The following CELSR2 variants were observed in gnomAD, a reference collection of about 807,000 sequenced individuals.
The protein encoded by CELSR2 is EGF-like protein 2.
Under a neutral mutation model 251.6 loss-of-function variants are expected in CELSR2, and 81 were observed. That is an observed-to-expected ratio of 0.32 (90% CI 0.27 to 0.39). CELSR2 has a LOEUF of 0.39. Ranked by LOEUF, CELSR2 falls within the 10% of genes least tolerant of loss-of-function variation. The pLI is 1.00. For synonymous variants in CELSR2, 1,721 were observed against 1,670.5 expected, an observed-to-expected ratio of 1.03 and a Z score of -0.74; for missense variants, 3,365 against 3,947.7, an observed-to-expected ratio of 0.85 and a Z score of 3.96.
rs774171570 is a variant in CELSR2 at position 109,269,189 on chromosome 1, C to T, written c.6711C>T (p.His2237=). 4.2e-5 allele frequency: 68 copies of T among 1,612,466 alleles called. No homozygotes were observed. In the South Asian group the frequency reaches 6.9e-4, roughly 16 times the overall value. The change falls in exon 20 of 34, where the codon CAC becomes CAT. Residue 2237 remains histidine, a synonymous_variant. Transcript: ENST00000271332. The surrounding 1 kb of genome is among the most constrained non-coding windows in gnomAD (Gnocchi z 6.4). ...AGCTGGCACGGCGACAGCGACGGCA[C>T]CCGGAGCTGAGCCAGGGTGAGGCTG... The part of the protein sequence containing the change: ...PEELARRQRR[H]PELSQGEAVA...
At chr1:109,267,507 G>A in intron 15 of CELSR2, 41 bp from the exon 16 acceptor site, 1 of 1,588,424 alleles carries the variant, frequency 6.3e-7, no homozygotes, top group East Asian at 2.2e-5. Flanking sequence ...GGCTTCCTGT[G>A]TGTCTCCCTG....
At position 109,249,545 on chromosome 1, in the gene CELSR2, C is replaced by G. The variant is rs539393078; in HGVS notation, c.-535C>G. 1.3e-5 allele frequency among the ~76,000 whole-genome samples: 2 copies of G among 150,866 alleles called. No individual in the cohort carries two copies. The highest frequency in any genetic ancestry group is 4.0e-4 in the East Asian group (2 of 5,058). ...GAGCCGCCGCCGCGACTCTGCAGAG[C>G]TCGCCCGCCCGCCGGGGAGGCGAGG... On this transcript the variant is annotated 5_prime_UTR_variant, in exon 1 of 34. Transcript: ENST00000271332.
In CELSR2 at chr1:109,273,898, G is replaced by A. The variant is rs1049767980; in HGVS notation, c.8745-124G>A. 3.8e-5 allele frequency: 51 copies of A among 1,341,154 alleles called. No individual in the cohort carries two copies. The African/African-American group carries it at 5.2e-4, about 14-fold the overall frequency. The allele number at this position is 1,341,154 out of a possible 1,614,324, so 83.1% of individuals were successfully genotyped here. ...CGCAGCCCAGCCTAGGGCAGAGTGC[G>A]GGAGGATGGGGAGCTGGGGGTGCTT... On this transcript the variant is annotated intron_variant, in intron 33 of 33. Coordinates refer to ENST00000271332, the MANE Select transcript of CELSR2 (RefSeq NM_001408.3).
chr1:109,266,176 G>A lies in CELSR2; in HGVS notation c.5983G>A (p.Ala1995Thr). 1 of 1,614,128 alleles carries A rather than the reference G, an allele frequency of 6.2e-7. No individual in the cohort carries two copies. The highest frequency in any genetic ancestry group is 1.1e-5 in the South Asian group (1 of 91,092). Residue 1995 changes from alanine (A) to threonine (T), a missense_variant, in exon 15 of 34, where the codon GCT (alanine) becomes ACT (threonine). By Grantham distance (58) the Ala-to-Thr change is moderately conservative. Around this residue, in one of 5 missense-constraint regions of CELSR2, gnomAD observed 2,093 missense variants for 2,382.8 expected, o/e 0.88. Transcript: ENST00000271332. ...WWPRTRFGLP[A>T]AAPCPKGSFG... ...GCCCCGTACCCGCTTCGGGCTGCCT[G>A]CTGCTGCTCCCTGTCCCAAAGGCTC...
chr1:109,265,286 A>G lies in CELSR2; in HGVS notation c.5702A>G (p.Lys1901Arg), dbSNP rs780550177. 6 of 1,610,090 alleles carry G rather than the reference A, an allele frequency of 3.7e-6. No individual in the cohort carries two copies. The highest frequency in any genetic ancestry group is 5.1e-6 in the Non-Finnish European group (6 of 1,177,866). The part of the protein sequence containing the change: ...VSKGFDPDCN[K>R]TSGECHCKEN... The stretch of plus-strand genomic sequence containing the variant: ...AAAGGCTTTGACCCAGACTGCAACA[A>G]GACAAGCGGCGAGTGCCACTGCAAG... Residue 1901 changes from lysine (K) to arginine (R), a missense_variant, in exon 13 of 34, where the codon AAG (lysine) becomes AGG (arginine). Around this residue, in one of 5 missense-constraint regions of CELSR2, gnomAD observed 2,093 missense variants for 2,382.8 expected, o/e 0.88. Transcript: ENST00000271332.
Position 109,269,149 on chromosome 1 carries a change from C to G in CELSR2, c.6671C>G (p.Ala2224Gly), listed in dbSNP as rs1656291652. 3 of 1,610,494 alleles carry G rather than the reference C, an allele frequency of 1.9e-6. No individual in the cohort carries two copies. The highest frequency in any genetic ancestry group is 2.5e-6 in the Non-Finnish European group (3 of 1,178,772). The stretch of plus-strand genomic sequence containing the variant: ...GTCAGGCCCGCAGGCCCCGGAGAGG[C>G]CCAGGAGCCAGAGGAGCTGGCACGG... ...PVVRPAGPGE[A>G]QEPEELARRQ... The change falls in exon 20 of 34, where the codon GCC (alanine) becomes GGC (glycine). Residue 2224 changes from alanine to glycine, a missense_variant. Ala to Gly is a moderately conservative substitution (Grantham distance 60). Coordinates refer to ENST00000271332, the MANE Select transcript of CELSR2 (RefSeq NM_001408.3). The surrounding 1 kb of genome is among the most constrained non-coding windows in gnomAD (Gnocchi z 6.4).
chr1:109,250,370 C>A lies in CELSR2; in HGVS notation c.291C>A (p.Ser97=). Residue 97 remains serine, a synonymous_variant, in exon 1 of 34, where the codon TCC becomes TCA. Coordinates refer to ENST00000271332, the MANE Select transcript of CELSR2 (RefSeq NM_001408.3). The surrounding 1 kb of genome is among the most constrained non-coding windows in gnomAD (Gnocchi z 4.4). The stretch of plus-strand genomic sequence containing the variant: ...GCCTGAGGGTTTGGTGTCCAGAATC[C>A]GAGGCCCATATTCCCCTACCACCAG... The part of the protein sequence containing the change: ...HDGLRVWCPE[S]EAHIPLPPAP... The A allele has an allele frequency of 6.2e-7, 1 of 1,613,516 alleles. No homozygotes were observed. The highest frequency in any genetic ancestry group is 8.5e-7 in the Non-Finnish European group (1 of 1,180,020).
chr1:109,251,208 G>T lies in CELSR2; in HGVS notation c.1129G>T (p.Gly377Cys). 6.2e-7 allele frequency: 1 copy of T among 1,613,902 alleles called. No homozygotes were observed. ...VEASDQGRDPGPRSTTAAVFL... is the reference protein window; with the variant it reads ...VEASDQGRDPCPRSTTAAVFL... ...GGCAAGTGACCAGGGTCGGGACCCG[G>T]GTCCTCGGAGTACCACAGCCGCTGT... Residue 377 changes from glycine to cysteine, a missense_variant, in exon 1 of 34, where the codon GGT becomes TGT. Coordinates refer to ENST00000271332, the MANE Select transcript of CELSR2 (RefSeq NM_001408.3). This position sits in a 1 kb window ranked among gnomAD's most constrained non-coding sequence, Gnocchi z 4.9.
Position 109,252,638 on chromosome 1 carries a change from C to T in CELSR2, c.2559C>T (p.Thr853=), listed in dbSNP as rs1655727648. Residue 853 remains threonine (T), a synonymous_variant, in exon 1 of 34, where the codon ACC becomes ACT. Coordinates refer to ENST00000271332, the MANE Select transcript of CELSR2 (RefSeq NM_001408.3). The surrounding 1 kb of genome is among the most constrained non-coding windows in gnomAD (Gnocchi z 4.8). ...GACTTAATGGCAGGGTCTTCTACAC[C>T]TTCCAAGGAGGCGACGATGGAGACG... ...DSGLNGRVFY[T]FQGGDDGDGD... is the part of the protein sequence containing the mutation. 6.2e-7 allele frequency: 1 copy of T among 1,613,760 alleles called. No homozygotes were observed. Among genetic ancestry groups the T allele is most frequent in the South Asian group, 1.1e-5 (1 of 91,092 alleles).
Position 109,251,584 on chromosome 1 carries a change from C to T in CELSR2, c.1505C>T (p.Ala502Val), listed in dbSNP as rs1378909536. 6.2e-7 allele frequency: 1 copy of T among 1,613,862 alleles called. No individual in the cohort carries two copies. The highest frequency in any genetic ancestry group is 8.5e-7 in the Non-Finnish European group (1 of 1,180,016). ...TVQVLDINDN[A>V]PIFVSTPFQA... ...CAGGTCCTGGATATCAACGACAATG[C>T]CCCCATCTTCGTCAGCACCCCTTTC... is the stretch of plus-strand genomic sequence containing the variant. The change falls in exon 1 of 34, where the codon GCC becomes GTC. Residue 502 changes from alanine (A) to valine (V), a missense_variant. Physicochemically the swap from Ala to Val is moderately conservative, Grantham distance 64 (BLOSUM62 0). Transcript: ENST00000271332. This position sits in a 1 kb window ranked among gnomAD's most constrained non-coding sequence, Gnocchi z 4.9.
rs545977880 is a variant in CELSR2, at chr1:109,270,534, G to A, written c.7417G>A (p.Asp2473Asn). The change falls in exon 24 of 34, where the codon GAT (aspartate) becomes AAT (asparagine). Residue 2473 changes from aspartate to asparagine, a missense_variant. Transcript: ENST00000271332. ...GTACCGGGCACTCACTGAGGTGCGC[G>A]ATGTCAACACCGGCCCCATGCGCTT... is the stretch of plus-strand genomic sequence containing the variant. ...HLYRALTEVR[D>N]VNTGPMRFYY... 31 of 1,614,174 alleles carry A rather than the reference G, an allele frequency of 1.9e-5. 1 individual carries two copies. The African/African-American group carries it at 2.1e-4, about 11-fold the overall frequency.
At chr1:109,273,059 G>T in intron 31 of CELSR2, 32 bp downstream of exon 31, 1 of 1,597,960 alleles carries the variant, frequency 6.3e-7, no homozygotes, top group Non-Finnish European at 8.5e-7. Flanking sequence ...GGCCTTTGGG[G>T]CCAGTGGGAG....
At position 109,265,906 on chromosome 1, in the gene CELSR2, A is replaced by G. The variant is rs1310426537; in HGVS notation, c.5899A>G (p.Asn1967Asp). ...CAACCCTTTTGCTGAGGTCACCACC[A>G]ATGGCTGTGAAGGTGGGGCTCCTGG... ...CDNPFAEVTT[N>D]GCEVNYDSCP... Residue 1967 changes from asparagine (N) to aspartate (D), a missense_variant, in exon 14 of 34, where the codon AAT (asparagine) becomes GAT (aspartate). Physicochemically the swap from Asn to Asp is conservative, Grantham distance 23. Coordinates refer to ENST00000271332, the MANE Select transcript of CELSR2 (RefSeq NM_001408.3). 1 of 1,611,846 alleles carries G rather than the reference A, an allele frequency of 6.2e-7. No homozygotes were observed. The highest frequency in any genetic ancestry group is 8.5e-7 in the Non-Finnish European group (1 of 1,178,462).
At position 109,270,608 on chromosome 1, in the gene CELSR2, C is replaced by T. The variant is rs773497481; in HGVS notation, c.7483+8C>T. The T allele has an allele frequency of 6.2e-7, 1 of 1,609,560 alleles. No homozygotes were observed. Among genetic ancestry groups the T allele is most frequent in the Non-Finnish European group, 8.5e-7 (1 of 1,178,022 alleles). On this transcript the variant is annotated splice_region_variant and intron_variant, in intron 24 of 33. Transcript: ENST00000271332. ...TGCCTGCCTTCATCACAGGTACTCC[C>T]ACCCATTCCCAGTCTTGGGGTCCCA...
At chr1:109,273,390 C>T (rs370411196) in intron 32 of CELSR2, 46 bp from the exon 33 acceptor site, 45 of 1,608,262 alleles carry the variant, frequency 2.8e-5, no homozygotes, top group Non-Finnish European at 3.7e-5. Flanking sequence ...CCTCATACCT[C>T]ACATTCTCCT....
At chr1:109,272,562 G>T in intron 29 of CELSR2, 78 bp from the exon 30 acceptor site, 1 of 1,505,972 alleles carries the variant, frequency 6.6e-7, no homozygotes. Context: ...CAGGAACCAG[G>T]ATCCCAGGGG....
In CELSR2 at chr1:109,258,626, G is replaced by T. The variant is rs766309271; in HGVS notation, c.3505G>T (p.Val1169Leu). The change falls in exon 2 of 34, where the codon GTA (valine) becomes TTA (leucine). Residue 1169 changes from valine (V) to leucine (L), a missense_variant. Val to Leu is a conservative substitution (Grantham distance 32). Transcript: ENST00000271332. ...ACCGGACCACGTGGTGGTCTTCAAC[G>T]TACAGCGGGACACCGACGCCCCCGG... ...TPPDHVVVFNVQRDTDAPGGH... is the reference protein window; with the variant it reads ...TPPDHVVVFNLQRDTDAPGGH... The T allele has an allele frequency of 3.2e-6, 5 of 1,567,620 alleles. No homozygotes were observed. The highest frequency in any genetic ancestry group is 4.3e-6 in the Non-Finnish European group (5 of 1,156,324).
chr1:109,250,091 G>C lies in CELSR2; in HGVS notation c.12G>C (p.Pro4=). 6.6e-7 allele frequency: 1 copy of C among 1,515,744 alleles called. No homozygotes were observed. The highest frequency in any genetic ancestry group is 8.8e-7 in the Non-Finnish European group (1 of 1,139,490). 93.9% of individuals were successfully genotyped at this position (1,515,744 alleles called of 1,614,324 possible). A position where few individuals can be genotyped will look rare whatever the true frequency, so the allele number is the denominator to read the frequency against. Residue 4 remains proline (P), a synonymous_variant, in exon 1 of 34, where the codon CCG becomes CCC. Transcript: ENST00000271332. This position sits in a 1 kb window ranked among gnomAD's most constrained non-coding sequence, Gnocchi z 4.4. The stretch of plus-strand genomic sequence containing the variant: ...GGGAGCTGGGAGAGATGCGGAGCCC[G>C]GCCACCGGCGTCCCCCTCCCAACGC... MRS[P]ATGVPLPTPP... is the part of the protein sequence containing the mutation.
chr1:109,261,921 TG>T lies in CELSR2; in HGVS notation c.4386+30del. 1 of 1,554,644 alleles carries T rather than the reference TG, an allele frequency of 6.4e-7. No individual in the cohort carries two copies. Among genetic ancestry groups the T allele is most frequent in the Non-Finnish European group, 8.7e-7 (1 of 1,146,932 alleles). ...GGTGGGTGTGGAGGGCACAGAGGGT[TG>T]GGGGTTCTGTTCTTGCCTCAGGTGC... On this transcript the variant is annotated intron_variant, in intron 5 of 33. Coordinates refer to ENST00000271332, the MANE Select transcript of CELSR2 (RefSeq NM_001408.3). This position sits in a 1 kb window ranked among gnomAD's most constrained non-coding sequence, Gnocchi z 4.8.
Sources: gnomAD v4.1 joint callset for allele counts (sites outside exome capture counted in the v4.1 genomes callset) on GRCh38, gnomAD v4.1.1 for gene constraint, gnomAD v4.1.1 regional missense constraint, Gnocchi (gnomAD v3.1) non-coding constraint, MANE v1.5 for transcripts, NCBI Gene and HGNC (gene_info 2026-07-23, HGNC 2026-07-21) for gene names.